The following KLHL1 variants were observed in gnomAD, a reference collection of about 807,000 sequenced individuals.
KLHL1 encodes kelch like family member 1.
A neutral mutation model predicts 77.7 loss-of-function variants in KLHL1; 47 were observed. The observed-to-expected ratio is 0.60, with a 90% CI of 0.48 to 0.77. KLHL1 has a LOEUF of 0.77. Among genes scored for constraint, KLHL1 ranks in the 30% least tolerant of loss-of-function variants. KLHL1 has a pLI of 0.00. For missense variants in KLHL1, 925 were observed against 910.8 expected, an observed-to-expected ratio of 1.02 and a Z score of -0.20; for synonymous variants, 360 against 325.2, an observed-to-expected ratio of 1.11 and a Z score of -1.15.
rs540401596 is a variant in KLHL1, at chr13:69,961,780, A to G, written c.681-336T>C. 1.0e-3 allele frequency among the ~76,000 whole-genome samples: 151 copies of G among 151,676 alleles called. No homozygotes were observed. The Middle Eastern group carries it at 0.014, about 14-fold the overall frequency. On this transcript the variant is annotated intron_variant, in intron 2 of 10. Coordinates refer to ENST00000377844, the MANE Select transcript of KLHL1 (RefSeq NM_020866.3). ...AACTTTCCCCCCTAAACTATCGTGA[A>G]TTTGAACGCATAACATATATTGATC...
chr13:69,903,618 C>CTTGTTCACA (rs1264873890), intron 4 of KLHL1, among the ~76,000 whole-genome samples: 1 of 118,904 alleles, frequency 8.4e-6, no homozygotes, highest in Non-Finnish European at 1.7e-5. Context: ...GCAGAAAACC[C>CTTGTTCACA]TTGTTCACAT....
At chr13:70,094,350 TAA>T (rs2137445970) in intron 1 of KLHL1, among the ~76,000 whole-genome samples, 1 of 144,170 alleles carries the variant, frequency 6.9e-6, no homozygotes, top group African/African-American at 2.8e-5. Context: ...AAATTAAAAT[TAA>T]AAAATAAAAT....
chr13:69,738,590 A>G (rs1299292493), intron 8 of KLHL1, among the ~76,000 whole-genome samples: 1 of 152,118 alleles, frequency 6.6e-6, no homozygotes, highest in African/African-American at 2.4e-5. Flanking sequence ...TCACAACAGA[A>G]CTTTACAATG....
intron 4 of KLHL1, among the ~76,000 whole-genome samples, chr13:69,892,640 A>AT (rs1027982890): frequency 3.3e-5 from 5 of 152,220 alleles, no homozygotes; most frequent in African/African-American, 1.2e-4. Flanking sequence ...GAACTAAAGA[A>AT]TTTTATTGTC....
At chr13:69,999,706 T>C (rs1885240961) in intron 1 of KLHL1, among the ~76,000 whole-genome samples, 2 of 152,042 alleles carry the variant, frequency 1.3e-5, no homozygotes, top group East Asian at 1.9e-4. Flanking sequence ...AGTGTGGAAC[T>C]GTGGTAGAAC....
intron 1 of KLHL1, among the ~76,000 whole-genome samples, chr13:70,092,396 CTA>C (rs1305233515): frequency 3.9e-5 from 6 of 152,112 alleles, no homozygotes; most frequent in African/African-American, 7.2e-5. Context: ...ATTCACTACT[CTA>C]TGTGTTTCCA....
intron 4 of KLHL1, among the ~76,000 whole-genome samples, chr13:69,887,405 T>C (rs1023733376): frequency 2.0e-5 from 3 of 152,182 alleles, no homozygotes; most frequent in African/African-American, 7.2e-5. Context: ...TTTCATTTTT[T>C]ACAACAGGGC....
intron 9 of KLHL1, among the ~76,000 whole-genome samples, chr13:69,716,243 T>A (rs1214345917): frequency 6.6e-6 from 1 of 152,176 alleles, no homozygotes; most frequent in African/African-American, 2.4e-5. Flanking sequence ...CAAGAAAGTT[T>A]TCCTTGTGGA....
At chr13:69,904,586 T>C (rs989535586) in intron 4 of KLHL1, among the ~76,000 whole-genome samples, 1 of 152,200 alleles carries the variant, frequency 6.6e-6, no homozygotes, top group Non-Finnish European at 1.5e-5. Flanking sequence ...CTCATTTTTA[T>C]ACATGCTATT....
intron 1 of KLHL1, among the ~76,000 whole-genome samples, chr13:70,062,608 A>G (rs1886918065): frequency 6.6e-6 from 1 of 152,158 alleles, no homozygotes; most frequent in African/African-American, 2.4e-5. Flanking sequence ...TTAGTGCACA[A>G]TAAAAAGTGG....
chr13:69,973,053 G>A (rs2137288073), intron 2 of KLHL1, among the ~76,000 whole-genome samples: 1 of 151,942 alleles, frequency 6.6e-6, no homozygotes, highest in East Asian at 1.9e-4. Flanking sequence ...AAGGCCTAAA[G>A]CACAAATGAG....
chr13:69,729,915 C>T (rs9542059), intron 8 of KLHL1, among the ~76,000 whole-genome samples: 8,023 of 151,938 alleles, frequency 0.053, 362 homozygotes, highest in African/African-American at 0.12. Context: ...ATATTTTTTA[C>T]GAAGAAAGAT....
intron 7 of KLHL1, among the ~76,000 whole-genome samples, chr13:69,779,708 C>T (rs1168653066): frequency 6.6e-6 from 1 of 151,956 alleles, no homozygotes; most frequent in Non-Finnish European, 1.5e-5. Flanking sequence ...TTATGATTTT[C>T]TGTGCAGTCA....
intron 8 of KLHL1, among the ~76,000 whole-genome samples, chr13:69,735,506 T>C (rs1873727568): frequency 1.3e-5 from 2 of 149,768 alleles, no homozygotes; most frequent in South Asian, 4.2e-4. Flanking sequence ...AGTTAAATGG[T>C]TATATATAAA....
intron 1 of KLHL1, among the ~76,000 whole-genome samples, chr13:70,014,303 A>C (rs2137342555): frequency 6.6e-6 from 1 of 152,248 alleles, no homozygotes; most frequent in South Asian, 2.1e-4. Flanking sequence ...AAAAGCGAAT[A>C]ATGATCTCTG....
chr13:69,837,628 GTGTATATATATATA>G lies in KLHL1; in HGVS notation c.1414+1334_1414+1347del, dbSNP rs1566308872. 1.6e-4 allele frequency among the ~76,000 whole-genome samples: 21 copies of G among 131,666 alleles called. 1 individual carries two copies. Among genetic ancestry groups the G allele is most frequent in the African/African-American group, 6.7e-4 (20 of 29,658 alleles). 86.4% of individuals were successfully genotyped at this position (131,666 alleles called of 152,430 possible). A position where few individuals can be genotyped will look rare whatever the true frequency, so the allele number is the denominator to read the frequency against. ...CATCTCTCTCTCTATATATATGTGT[GTGTATATATATATA>G]TGTGTATATATATATGTGTGTGTGT... On this transcript the variant is annotated intron_variant, in intron 6 of 10. Transcript: ENST00000377844.
At chr13:69,845,687 T>TG (rs1391927212) in intron 5 of KLHL1, among the ~76,000 whole-genome samples, 1 of 151,592 alleles carries the variant, frequency 6.6e-6, no homozygotes, top group African/African-American at 2.4e-5. Context: ...TACTAGCACT[T>TG]GCTCTTTGGA....
At chr13:69,866,947 G>A (rs573166886) in intron 5 of KLHL1, among the ~76,000 whole-genome samples, 5 of 69,968 alleles carry the variant, frequency 7.1e-5, no homozygotes, top group South Asian at 4.0e-4. Context: ...AAATTATCAC[G>A]TTTAATCATT....
chr13:69,744,631 C>T (rs756298718), intron 7 of KLHL1, among the ~76,000 whole-genome samples: 1 of 151,658 alleles, frequency 6.6e-6, no homozygotes, highest in Non-Finnish European at 1.5e-5. Context: ...CACTCCAAAA[C>T]CTCTCATGCA....
Sources: allele counts gnomAD v4.1 joint callset (sites outside exome capture counted in the v4.1 genomes callset), GRCh38; gene constraint gnomAD v4.1.1; transcripts MANE v1.5; gene names NCBI Gene and HGNC (gene_info 2026-07-23, HGNC 2026-07-21).